RTKN2: variants seen among roughly 807,000 people sequenced by gnomAD.
RTKN2 encodes rhotekin-2.
In RTKN2, 69 loss-of-function variants were observed where a neutral mutation model predicts 71.5. The ratio of observed to expected loss-of-function variants is 0.96; its 90% CI spans 0.79 to 1.18. The LOEUF (loss-of-function observed/expected upper bound fraction) is 1.18. Among genes scored for constraint, RTKN2 ranks in the 50% most tolerant of loss-of-function variants. The pLI is 0.00. For synonymous variants in RTKN2, 236 were observed against 236.5 expected, an observed-to-expected ratio of 1.00 and a Z score of 0.02; for missense variants, 724 against 719.7, an observed-to-expected ratio of 1.01 and a Z score of -0.07.
chr10:62,218,343 A>G (rs529579332), intron 7 of RTKN2, 42 bp from the exon 8 acceptor site: 5 of 1,309,740 alleles, frequency 3.8e-6, no homozygotes, highest in Admixed American at 3.7e-5. Flanking sequence ...AGTTATAAAT[A>G]TAAGTTTATT....
At chr10:62,189,447 C>A (rs1841185852), downstream of RTKN2, among the ~76,000 whole-genome samples, 3 of 152,192 alleles carry the variant, frequency 2.0e-5, no homozygotes, top group Admixed American at 2.0e-4. Context: ...TTCTTTCAAT[C>A]TTGATGTTGC....
intron 10 of RTKN2, among the ~76,000 whole-genome samples, chr10:62,202,725 T>A (rs894344827): frequency 6.6e-6 from 1 of 152,218 alleles, no homozygotes; most frequent in Non-Finnish European, 1.5e-5. Context: ...CTTTCAAATC[T>A]CCATTTCAGC....
At chr10:62,227,196 T>A (rs1310413196) in intron 6 of RTKN2, among the ~76,000 whole-genome samples, 3 of 152,212 alleles carry the variant, frequency 2.0e-5, no homozygotes, top group Non-Finnish European at 4.4e-5. Context: ...TACATTTATA[T>A]ATTTATCTAT....
At chr10:62,267,476 A>ATTTT (rs1241859454) in intron 1 of RTKN2, among the ~76,000 whole-genome samples, 7 of 152,232 alleles carry the variant, frequency 4.6e-5, no homozygotes, top group African/African-American at 1.4e-4. Context: ...ACATAACAGG[A>ATTTT]CAGGACTGAA....
chr10:62,250,089 T>A (rs1382533698), intron 2 of RTKN2, among the ~76,000 whole-genome samples: 1 of 152,206 alleles, frequency 6.6e-6, no homozygotes, highest in Admixed American at 6.5e-5. Context: ...GAAACTAACA[T>A]CTGAAACCGT....
chr10:62,220,367 C>T (rs1206638459), intron 7 of RTKN2, among the ~76,000 whole-genome samples: 1 of 152,134 alleles, frequency 6.6e-6, no homozygotes, highest in Non-Finnish European at 1.5e-5. Context: ...CAAAAGTTAT[C>T]TTTCCTAAAA....
intron 2 of RTKN2, 54 bp from the exon 3 acceptor site, chr10:62,246,111 T>C: frequency 1.8e-6 from 2 of 1,114,870 alleles, no homozygotes. Flanking sequence ...AAGCAATTAT[T>C]TTAACAGTGT....
chr10:62,264,877 C>A (rs1439904537), intron 1 of RTKN2, among the ~76,000 whole-genome samples: 1 of 150,860 alleles, frequency 6.6e-6, no homozygotes, highest in Non-Finnish European at 1.5e-5. Flanking sequence ...ATTCAATGGT[C>A]AGCTAGGGTA....
rs1165859529 is a variant in RTKN2, at chr10:62,198,382, C to G, written c.1356G>C (p.Glu452Asp). The change falls in exon 12 of 12, where the codon GAG (glutamate) becomes GAC (aspartate). Residue 452 changes from glutamate (E) to aspartate (D), a missense_variant. Glu to Asp is a conservative substitution (Grantham distance 45). Coordinates refer to ENST00000373789, the MANE Select transcript of RTKN2 (RefSeq NM_145307.4). ...GACCAATAAGGAACTGCCCATTTGT[C>G]TCTTCAATTTTTTTTTGTATTATAT... ...LTDIIQKKIE[E>D]TNGQFLIGQH... The G allele has an allele frequency of 5.6e-6, 9 of 1,596,456 alleles. No individual in the cohort carries two copies. The highest frequency in any genetic ancestry group is 7.7e-6 in the Non-Finnish European group (9 of 1,174,934).
chr10:62,237,884 G>C (rs1019529629), intron 5 of RTKN2, among the ~76,000 whole-genome samples: 1 of 151,450 alleles, frequency 6.6e-6, no homozygotes, highest in Non-Finnish European at 1.5e-5. Context: ...AAATAAATAC[G>C]CAAAATTCTG....
chr10:62,228,495 A>C (rs184158839), intron 6 of RTKN2, among the ~76,000 whole-genome samples: 1 of 152,330 alleles, frequency 6.6e-6, no homozygotes. Flanking sequence ...GAAATGGTTC[A>C]ATAGAGAATG....
chr10:62,188,197 A>G (rs1484968603), downstream of RTKN2, among the ~76,000 whole-genome samples: 1 of 152,196 alleles, frequency 6.6e-6, no homozygotes, highest in Non-Finnish European at 1.5e-5. Context: ...AATTTCTCAG[A>G]AGGTCGCAGT....
intron 3 of RTKN2, among the ~76,000 whole-genome samples, chr10:62,243,749 A>G (rs773789142): frequency 4.6e-5 from 7 of 152,194 alleles, no homozygotes; most frequent in Non-Finnish European, 1.0e-4. Context: ...TTCAGTTTAC[A>G]GTACTCTAAC....
chr10:62,235,534 T>A (rs1317575910), intron 6 of RTKN2, among the ~76,000 whole-genome samples: 1 of 152,248 alleles, frequency 6.6e-6, no homozygotes, highest in East Asian at 1.9e-4. Flanking sequence ...AATGCCTATA[T>A]GACACCACAA....
chr10:62,225,850 C>T (rs529624126), intron 6 of RTKN2, among the ~76,000 whole-genome samples: 4 of 150,678 alleles, frequency 2.7e-5, no homozygotes, highest in African/African-American at 4.9e-5. Flanking sequence ...GGCACAATCT[C>T]GACTCACTGC....
chr10:62,243,641 C>T (rs2133030429), intron 3 of RTKN2, among the ~76,000 whole-genome samples: 1 of 152,238 alleles, frequency 6.6e-6, no homozygotes, highest in East Asian at 1.9e-4. Flanking sequence ...TAGTCTTGTG[C>T]TCTTCAGATA....
chr10:62,223,676 C>T (rs1464965311), intron 6 of RTKN2, among the ~76,000 whole-genome samples: 1 of 152,140 alleles, frequency 6.6e-6, no homozygotes, highest in Non-Finnish European at 1.5e-5. Flanking sequence ...AACAGTAACA[C>T]ATGTTAGCTG....
Position 62,197,594 on chromosome 10 carries a change from T to C in RTKN2, c.*314A>G. ...GACAGTCTCTCCCCAAAAGAAATTT[T>C]AATGCTTTATTCTGCCTAGGGCTTA... On this transcript the variant is annotated 3_prime_UTR_variant, in exon 12 of 12. Transcript: ENST00000373789. 9.4e-7 allele frequency: 1 copy of C among 1,065,530 alleles called. No individual in the cohort carries two copies. Among genetic ancestry groups the C allele is most frequent in the Non-Finnish European group, 1.1e-6 (1 of 882,192 alleles). The allele number at this position is 1,065,530 out of a possible 1,614,324, so 66.0% of individuals were successfully genotyped here. A position where few individuals can be genotyped will look rare whatever the true frequency, so the allele number is the denominator to read the frequency against.
intron 2 of RTKN2, among the ~76,000 whole-genome samples, chr10:62,256,387 G>A (rs1000163670): frequency 4.6e-5 from 7 of 152,008 alleles, no homozygotes; most frequent in Admixed American, 3.9e-4. Flanking sequence ...AAAAGAAACT[G>A]GAGTTATAAC....
Sources: gnomAD v4.1 joint callset for allele counts (sites outside exome capture counted in the v4.1 genomes callset) on GRCh38, gnomAD v4.1.1 for gene constraint, MANE v1.5 for transcripts, NCBI Gene and HGNC (gene_info 2026-07-23, HGNC 2026-07-21) for gene names.